Variants in SYNDIG1 observed in about 807,000 individuals in gnomAD.
SYNDIG1 encodes the protein synapse differentiation inducing 1.
SYNDIG1 carries 9 observed loss-of-function variants against 19.4 expected under a neutral mutation model. That is an observed-to-expected ratio of 0.46 (90% CI 0.28 to 0.81). The LOEUF is 0.81. Among genes scored for constraint, SYNDIG1 ranks in the 30% least tolerant of loss-of-function variants. SYNDIG1 has a pLI of 0.12. For missense variants in SYNDIG1, 311 were observed against 343.3 expected (o/e 0.91, Z 0.74); for synonymous variants, 141 against 145.9 (o/e 0.97, Z 0.24).
chr20:24,519,112 T>A (rs1480313280), intron 1 of SYNDIG1, among the ~76,000 whole-genome samples: 9 of 152,360 alleles, frequency 5.9e-5, no homozygotes, highest in African/African-American at 2.2e-4. Flanking sequence ...AGCACGCTGA[T>A]TAACTAATTT....
intron 3 of SYNDIG1, among the ~76,000 whole-genome samples, chr20:24,607,872 C>T (rs2058782435): frequency 6.6e-6 from 1 of 152,090 alleles, no homozygotes; most frequent in Non-Finnish European, 1.5e-5. Flanking sequence ...CTCAGATACC[C>T]GAAGGTAACG....
At chr20:24,567,984 AT>A (rs1350190794) in intron 2 of SYNDIG1, among the ~76,000 whole-genome samples, 1 of 152,180 alleles carries the variant, frequency 6.6e-6, no homozygotes, top group Non-Finnish European at 1.5e-5. Flanking sequence ...AAATATAAAA[AT>A]TAGCCGGACA....
chr20:24,489,029 C>T (rs1388444822), intron 1 of SYNDIG1, among the ~76,000 whole-genome samples: 1 of 152,196 alleles, frequency 6.6e-6, no homozygotes, highest in Non-Finnish European at 1.5e-5. Flanking sequence ...CAAGTCTAAG[C>T]TCCTGTGGAG....
chr20:24,554,566 TG>T (rs1342303412), intron 2 of SYNDIG1, among the ~76,000 whole-genome samples: 1 of 152,216 alleles, frequency 6.6e-6, no homozygotes, highest in Non-Finnish European at 1.5e-5. Context: ...GATAATCATG[TG>T]GTTTTTGTCT....
At chr20:24,592,257 C>T (rs13044561) in intron 3 of SYNDIG1, among the ~76,000 whole-genome samples, 1 of 152,082 alleles carries the variant, frequency 6.6e-6, no homozygotes, top group Non-Finnish European at 1.5e-5. Flanking sequence ...ACTTGTCACT[C>T]AAGTAAGCCT....
chr20:24,627,014 G>C (rs1029175231), intron 3 of SYNDIG1, among the ~76,000 whole-genome samples: 2 of 152,112 alleles, frequency 1.3e-5, no homozygotes, highest in Non-Finnish European at 2.9e-5. Flanking sequence ...GCAGTGAGCC[G>C]AGATGGCAGC....
At chr20:24,523,440 C>T (rs1423187805) in intron 1 of SYNDIG1, among the ~76,000 whole-genome samples, 6 of 152,222 alleles carry the variant, frequency 3.9e-5, no homozygotes, top group East Asian at 1.9e-4. Flanking sequence ...TTTTCAGTTA[C>T]GTTGGGTTTA....
intron 3 of SYNDIG1, among the ~76,000 whole-genome samples, chr20:24,663,002 C>T (rs923859956): frequency 3.9e-4 from 59 of 152,310 alleles, no homozygotes; most frequent in African/African-American, 1.3e-3. Flanking sequence ...TGCACCCTGC[C>T]AAAGGAATGA....
intron 2 of SYNDIG1, among the ~76,000 whole-genome samples, chr20:24,550,947 G>A (rs1019254703): frequency 6.6e-6 from 1 of 152,174 alleles, no homozygotes; most frequent in African/African-American, 2.4e-5. Context: ...CTATATTCAT[G>A]AGGGATGTTG....
intron 2 of SYNDIG1, among the ~76,000 whole-genome samples, chr20:24,563,149 T>A (rs1037205092): frequency 6.6e-6 from 1 of 152,206 alleles, no homozygotes; most frequent in African/African-American, 2.4e-5. Context: ...TGCCCTATAA[T>A]GTAGATGTGT....
intron 2 of SYNDIG1, among the ~76,000 whole-genome samples, chr20:24,578,159 C>A (rs1167599527): frequency 1.3e-5 from 2 of 152,060 alleles, no homozygotes; most frequent in Non-Finnish European, 1.5e-5. Context: ...GGAAGGGAGT[C>A]GGGATGGGCA....
At chr20:24,615,920 G>A (rs1029789835) in intron 3 of SYNDIG1, among the ~76,000 whole-genome samples, 11 of 145,868 alleles carry the variant, frequency 7.5e-5, no homozygotes, top group African/African-American at 1.8e-4. Flanking sequence ...TGGAAAATTA[G>A]TTACATCATT....
chr20:24,470,063 G>C (rs558020557), intron 1 of SYNDIG1, among the ~76,000 whole-genome samples: 12 of 152,324 alleles, frequency 7.9e-5, no homozygotes, highest in Non-Finnish European at 1.5e-4. Flanking sequence ...TTGCCACCCC[G>C]GGAGACGCGA....
chr20:24,498,182 G>A (rs979934343), intron 1 of SYNDIG1, among the ~76,000 whole-genome samples: 1 of 152,290 alleles, frequency 6.6e-6, no homozygotes, highest in Non-Finnish European at 1.5e-5. Flanking sequence ...AACTTGAGGA[G>A]TTTGGACCTC....
In SYNDIG1 at chr20:24,575,687, A is replaced by G. The variant is rs141766948; in HGVS notation, c.481-9169A>G. On this transcript the variant is annotated intron_variant, in intron 2 of 3. Transcript: ENST00000376862. Reference sequence around the variant, plus strand: ...GCACCTAACTGGATTATTTTCTTCTAAAAATACCTCCCTCCTCAAAGAATA... The same window carrying G: ...GCACCTAACTGGATTATTTTCTTCTGAAAATACCTCCCTCCTCAAAGAATA... Among the ~76,000 whole-genome samples, 260 of 152,188 alleles carry G rather than the reference A, an allele frequency of 1.7e-3. 3 individuals are homozygous for G. Among genetic ancestry groups the G allele is most frequent in the African/African-American group, 5.0e-3 (209 of 41,446 alleles).
rs191820013 is a variant in SYNDIG1, at chr20:24,578,997, G to A, written c.481-5859G>A. Among the ~76,000 whole-genome samples, 112 of 152,322 alleles carry A rather than the reference G, an allele frequency of 7.4e-4. 1 individual carries two copies. The highest frequency in any genetic ancestry group is 2.6e-3 in the African/African-American group (106 of 41,564). On this transcript the variant is annotated intron_variant, in intron 2 of 3. Coordinates refer to ENST00000376862, the MANE Select transcript of SYNDIG1 (RefSeq NM_024893.3). ...CACGCAGGCTTGAGCCGAGCCACCC[G>A]TCAGTCAGTATTGCAAACCGTACAT... is the stretch of plus-strand genomic sequence containing the variant.
chr20:24,638,092 A>G (rs1190401867), intron 3 of SYNDIG1, among the ~76,000 whole-genome samples: 1 of 152,196 alleles, frequency 6.6e-6, no homozygotes, highest in Non-Finnish European at 1.5e-5. Flanking sequence ...AGTGGAGGTG[A>G]ATGAGTTGCC....
At chr20:24,585,072 A>G in intron 3 of SYNDIG1, 79 bp downstream of exon 3, 3 of 1,525,286 alleles carry the variant, frequency 2.0e-6, no homozygotes, top group Non-Finnish European at 2.7e-6. Context: ...CCAGCCGAGG[A>G]GGAGAAGCAA....
intron 1 of SYNDIG1, among the ~76,000 whole-genome samples, chr20:24,497,154 T>A (rs953107429): frequency 6.6e-6 from 1 of 152,216 alleles, no homozygotes; most frequent in Admixed American, 6.5e-5. Flanking sequence ...TTTTTTCTGC[T>A]TCTCTCTTTT....
Sources: gnomAD v4.1 joint callset for allele counts (sites outside exome capture counted in the v4.1 genomes callset) on GRCh38, gnomAD v4.1.1 for gene constraint, MANE v1.5 for transcripts, NCBI Gene and HGNC (gene_info 2026-07-23, HGNC 2026-07-21) for gene names.